Variants in CFAP77 observed in about 807,000 individuals in gnomAD.
CFAP77 encodes cilia- and flagella-associated protein 77.
In CFAP77, 25 loss-of-function variants were observed where a neutral mutation model predicts 31.1. That is an observed-to-expected ratio of 0.80 (90% CI 0.59 to 1.12). CFAP77 has a LOEUF of 1.12. CFAP77 is among the 50% of genes most tolerant of loss of function. The probability of loss-of-function intolerance (pLI) is 0.00; values close to 1 mark genes in which losing one functional copy is unlikely to be tolerated. For synonymous variants in CFAP77, 151 were observed against 159.9 expected, an observed-to-expected ratio of 0.94 and a Z score of 0.42; for missense variants, 377 against 397.3, an observed-to-expected ratio of 0.95 and a Z score of 0.44.
chr9:132,543,215 C>T (rs375418327), intron 5 of CFAP77, among the ~76,000 whole-genome samples, 168 bp downstream of exon 5: 10 of 152,364 alleles, frequency 6.6e-5, no homozygotes, highest in African/African-American at 2.4e-4. Context: ...CTTCCCAAGG[C>T]CCGGAGCTGA....
intron 1 of CFAP77, among the ~76,000 whole-genome samples, chr9:132,460,554 A>T (rs1332620890): frequency 6.6e-6 from 1 of 152,214 alleles, no homozygotes; most frequent in Non-Finnish European, 1.5e-5. Flanking sequence ...GGAAATATCT[A>T]GAATAGGCAA....
chr9:132,410,823 C>T (rs1455972483), intron 1 of CFAP77, among the ~76,000 whole-genome samples: 1 of 152,222 alleles, frequency 6.6e-6, no homozygotes, highest in Non-Finnish European at 1.5e-5. Flanking sequence ...AGATAGGTCG[C>T]ACACGCCCAG....
chr9:132,435,448 C>T (rs940261992), intron 1 of CFAP77, among the ~76,000 whole-genome samples: 1 of 152,206 alleles, frequency 6.6e-6, no homozygotes, highest in African/African-American at 2.4e-5. Context: ...GAGATTTTAT[C>T]TCCAGTTGTC....
intron 1 of CFAP77, among the ~76,000 whole-genome samples, chr9:132,477,895 C>T (rs1290617906): frequency 5.3e-5 from 8 of 152,128 alleles, no homozygotes; most frequent in East Asian, 1.9e-4. Flanking sequence ...CTGGGGGCAG[C>T]GGGGCCCTGC....
Position 132,508,936 on chromosome 9 carries a change from G to A in CFAP77, c.524+9336G>A, listed in dbSNP as rs546554265. 3.3e-5 allele frequency among the ~76,000 whole-genome samples: 5 copies of A among 152,306 alleles called. No homozygotes were observed. The East Asian group carries it at 5.8e-4, about 18-fold the overall frequency. ...GGGCGGCTGTTCATATCCACAGGCCGCATGCTTCCAGGAGGCAGAGCAAGG... is the reference window on the plus strand; with the variant it reads ...GGGCGGCTGTTCATATCCACAGGCCACATGCTTCCAGGAGGCAGAGCAAGG... On this transcript the variant is annotated intron_variant, in intron 3 of 5. Coordinates refer to ENST00000393216, the MANE Select transcript of CFAP77 (RefSeq NM_001282957.2).
chr9:132,537,784 A>C (rs983694111), intron 4 of CFAP77, 78 bp downstream of exon 4: 33 of 1,055,138 alleles, frequency 3.1e-5, no homozygotes, highest in Admixed American at 1.9e-4. Context: ...CCAAGCATCG[A>C]GATGACACTT....
At chr9:132,456,205 C>T (rs1441466713) in intron 1 of CFAP77, among the ~76,000 whole-genome samples, 2 of 152,284 alleles carry the variant, frequency 1.3e-5, no homozygotes, top group African/African-American at 2.4e-5. Flanking sequence ...AAGGTAGCAT[C>T]GCTTATAGTA....
intron 1 of CFAP77, among the ~76,000 whole-genome samples, chr9:132,435,909 C>T (rs1850497597): frequency 6.6e-6 from 1 of 152,124 alleles, no homozygotes; most frequent in Non-Finnish European, 1.5e-5. Flanking sequence ...TATGTAGATT[C>T]TGCTAAGTGG....
chr9:132,519,504 A>G (rs1852214438), intron 3 of CFAP77, among the ~76,000 whole-genome samples: 1 of 35,530 alleles, frequency 2.8e-5, no homozygotes, highest in Non-Finnish European at 5.6e-5. Flanking sequence ...GGATGCATGG[A>G]TGGGTGGGTG....
At chr9:132,453,369 C>CA (rs1208872020) in intron 1 of CFAP77, among the ~76,000 whole-genome samples, 4 of 149,252 alleles carry the variant, frequency 2.7e-5, no homozygotes, top group Non-Finnish European at 4.4e-5. Context: ...TGCTAAAATA[C>CA]AAAAAAATTA....
intron 1 of CFAP77, among the ~76,000 whole-genome samples, chr9:132,454,957 AC>A (rs1353265058): frequency 6.6e-6 from 1 of 152,172 alleles, no homozygotes; most frequent in Non-Finnish European, 1.5e-5. Context: ...GATCACTTAG[AC>A]CATCCCAGGA....
chr9:132,480,528 A>G lies in CFAP77; in HGVS notation c.196-18167A>G, dbSNP rs756720100. Among the ~76,000 whole-genome samples the G allele has an allele frequency of 6.6e-6, 1 of 152,148 alleles. No individual in the cohort carries two copies. Among genetic ancestry groups the G allele is most frequent in the East Asian group, 1.9e-4 (1 of 5,192 alleles). On this transcript the variant is annotated intron_variant, in intron 1 of 5. Coordinates refer to ENST00000393216, the MANE Select transcript of CFAP77 (RefSeq NM_001282957.2). The surrounding 1 kb of genome is among the most constrained non-coding windows in gnomAD (Gnocchi z 5.8). ...ACCTACTGTGTGCCGGGCACCGGAG[A>G]CGCCACAGCAAATGAGACAGGTCTG...
At chr9:132,491,887 G>T (rs886755800) in intron 1 of CFAP77, among the ~76,000 whole-genome samples, 1 of 152,140 alleles carries the variant, frequency 6.6e-6, no homozygotes, top group Non-Finnish European at 1.5e-5. Context: ...ATGTTGTTTT[G>T]CTTAAAGTTG....
At chr9:132,550,168 C>T (rs780754172) in intron 5 of CFAP77, among the ~76,000 whole-genome samples, 1 of 152,190 alleles carries the variant, frequency 6.6e-6, no homozygotes, top group Non-Finnish European at 1.5e-5. Flanking sequence ...ACCTGGGAAC[C>T]CCCAGCCTGG....
At chr9:132,438,541 A>ATATATATATATATATATTTTTTTTTTT in intron 1 of CFAP77, among the ~76,000 whole-genome samples, 1 of 108,124 alleles carries the variant, frequency 9.2e-6, no homozygotes, top group African/African-American at 4.1e-5. Flanking sequence ...ATATATATAT[A>ATATATATATATATATATTTTTTTTTTT]TTTTTTTTTT....
chr9:132,550,055 C>G (rs1037993886), intron 5 of CFAP77, among the ~76,000 whole-genome samples: 2 of 152,172 alleles, frequency 1.3e-5, no homozygotes, highest in Non-Finnish European at 2.9e-5. Context: ...GGCCAAGTTC[C>G]TAGAGCAGCA....
chr9:132,553,436 T>TACAAACAA (rs369252818), intron 5 of CFAP77, among the ~76,000 whole-genome samples: 8 of 152,250 alleles, frequency 5.3e-5, no homozygotes, highest in South Asian at 2.1e-4. Flanking sequence ...ACTCTGTCTC[T>TACAAACAA]ACAAACAAAC....
intron 3 of CFAP77, among the ~76,000 whole-genome samples, chr9:132,530,505 C>G (rs143693176): frequency 3.3e-5 from 5 of 152,148 alleles, no homozygotes; most frequent in African/African-American, 9.7e-5. Context: ...GAACTCCTGA[C>G]CTCAGGTGAT....
At chr9:132,427,498 C>G (rs541219278) in intron 1 of CFAP77, among the ~76,000 whole-genome samples, 1 of 152,250 alleles carries the variant, frequency 6.6e-6, no homozygotes, top group East Asian at 1.9e-4. Context: ...CGGTGTAATC[C>G]CAGCTACGTG....
Sources: allele counts gnomAD v4.1 joint callset (sites outside exome capture counted in the v4.1 genomes callset), GRCh38; gene constraint gnomAD v4.1.1; non-coding constraint Gnocchi (gnomAD v3.1); transcripts MANE v1.5; gene names NCBI Gene and HGNC (gene_info 2026-07-23, HGNC 2026-07-21).